The following GANC variants were observed in gnomAD, a reference collection of about 807,000 sequenced individuals.
The protein encoded by GANC is neutral alpha-glucosidase C.
In GANC, 117 loss-of-function variants were observed where a neutral mutation model predicts 124.2. That is an observed-to-expected ratio of 0.94 (90% CI 0.81 to 1.10). The LOEUF is 1.10. Among genes scored for constraint, GANC ranks in the 50% least tolerant of loss-of-function variants. GANC has a pLI of 0.00. For synonymous variants in GANC, 377 were observed against 376.8 expected, an observed-to-expected ratio of 1.00 and a Z score of -0.01; for missense variants, 1,140 against 1,095.0, an observed-to-expected ratio of 1.04 and a Z score of -0.58.
chr15:42,347,250 T>C (rs1270412483), intron 20 of GANC, among the ~76,000 whole-genome samples: 1 of 151,994 alleles, frequency 6.6e-6, no homozygotes, highest in Non-Finnish European at 1.5e-5. Context: ...AGTGCTTTAC[T>C]TCTCACTGCC....
chr15:42,285,704 A>G (rs1172881701), intron 3 of GANC, among the ~76,000 whole-genome samples: 2 of 152,192 alleles, frequency 1.3e-5, no homozygotes, highest in Non-Finnish European at 2.9e-5. Context: ...CTGAGGCACA[A>G]GAATCTCTTG....
At chr15:42,310,989 C>G in intron 10 of GANC, 143 bp downstream of exon 10, 1 of 859,330 alleles carries the variant, frequency 1.2e-6, no homozygotes, top group Non-Finnish European at 1.8e-6. Context: ...ATTTCTGTTC[C>G]CATCCTCATC....
Position 42,353,591 on chromosome 15 carries a change from C to A in GANC, c.*1452C>A, listed in dbSNP as rs1281244720. 2.0e-6 allele frequency: 2 copies of A among 985,510 alleles called. No individual in the cohort carries two copies. Among genetic ancestry groups the A allele is most frequent in the African/African-American group, 1.7e-5 (1 of 57,206 alleles). The allele number at this position is 985,510 out of a possible 1,614,324, so 61.0% of individuals were successfully genotyped here. The stretch of plus-strand genomic sequence containing the variant: ...TTCTGTCTGACAGAGCACTATTATA[C>A]CTGACTTTCAGTAACTGTTAGCTGT... On this transcript the variant is annotated 3_prime_UTR_variant, in exon 24 of 24. Transcript: ENST00000318010.
In GANC at chr15:42,274,515, A is replaced by G. The variant is rs373541962; in HGVS notation, c.29+5A>G. ...AGCAGTGAAAGAGGAAATAAGGTAA[A>G]GGCCAAGTGCTTCTGTAGCGAGTGA... On this transcript the variant is annotated splice_donor_5th_base_variant and intron_variant, in intron 1 of 23. Coordinates refer to ENST00000318010, the MANE Select transcript of GANC (RefSeq NM_198141.3). 7 of 1,608,242 alleles carry G rather than the reference A, an allele frequency of 4.4e-6. No homozygotes were observed. In the African/African-American group the frequency reaches 8.0e-5, roughly 18 times the overall value.
intron 15 of GANC, 44 bp from the exon 16 acceptor site, chr15:42,338,345 T>G: frequency 7.4e-7 from 1 of 1,356,046 alleles, no homozygotes; most frequent in Non-Finnish European, 1.0e-6. Context: ...ATTGAACGCA[T>G]GGGTTGATTT....
intron 6 of GANC, among the ~76,000 whole-genome samples, chr15:42,306,051 G>C (rs1566953991): frequency 6.8e-6 from 1 of 147,120 alleles, no homozygotes; most frequent in Non-Finnish European, 1.5e-5. Flanking sequence ...TTTTGAGACA[G>C]AGTCTCGCTG....
chr15:42,349,125 AC>A (rs1395212413), intron 21 of GANC, among the ~76,000 whole-genome samples: 1 of 152,174 alleles, frequency 6.6e-6, no homozygotes, highest in Admixed American at 6.5e-5. Context: ...ATCCACTTAT[AC>A]CACTGAACAT....
chr15:42,314,177 G>A, intron 10 of GANC: 1 of 761,200 alleles, frequency 1.3e-6, no homozygotes, highest in Non-Finnish European at 2.4e-6. Flanking sequence ...ATATGGGATT[G>A]GACAAGTTGG....
intron 10 of GANC, chr15:42,314,224 G>A: frequency 1.4e-6 from 1 of 733,960 alleles, no homozygotes; most frequent in Non-Finnish European, 2.5e-6. Flanking sequence ...CCTCTTTAAA[G>A]CACCTGAAGC....
chr15:42,340,301 T>C (rs16973097), intron 17 of GANC, among the ~76,000 whole-genome samples: 14,753 of 152,234 alleles, frequency 0.097, 836 homozygotes, highest in South Asian at 0.18. Flanking sequence ...CTTTGGCACG[T>C]TCCCATTTCC....
chr15:42,296,289 G>C (rs2051890659), intron 5 of GANC, among the ~76,000 whole-genome samples: 1 of 151,768 alleles, frequency 6.6e-6, no homozygotes. Flanking sequence ...ACTCTCTTTT[G>C]ATTGGTGTTA....
chr15:42,332,315 T>C (rs916985561), intron 15 of GANC, among the ~76,000 whole-genome samples: 1 of 152,200 alleles, frequency 6.6e-6, no homozygotes, highest in Non-Finnish European at 1.5e-5. Flanking sequence ...TCTACAAGTA[T>C]CATTTTTAAT....
intron 3 of GANC, among the ~76,000 whole-genome samples, chr15:42,279,027 T>A (rs929890058): frequency 1.3e-5 from 2 of 152,178 alleles, no homozygotes; most frequent in Non-Finnish European, 2.9e-5. Context: ...AAAATGAATG[T>A]CATCTTTTCG....
intron 10 of GANC, among the ~76,000 whole-genome samples, chr15:42,313,212 C>G (rs117425882): frequency 0.011 from 1,617 of 143,000 alleles, 20 homozygotes; most frequent in Middle Eastern, 0.024. Flanking sequence ...CTCCTATATT[C>G]AAAAATATGT....
intron 20 of GANC, among the ~76,000 whole-genome samples, chr15:42,347,722 G>A (rs1338647650): frequency 1.3e-5 from 2 of 152,148 alleles, no homozygotes; most frequent in East Asian, 1.9e-4. Flanking sequence ...TCACTCTTCA[G>A]CAGGGTTCTG....
chr15:42,289,769 G>A (rs1381872580), intron 4 of GANC, among the ~76,000 whole-genome samples: 3 of 152,140 alleles, frequency 2.0e-5, no homozygotes, highest in Non-Finnish European at 4.4e-5. Context: ...CAGGTGTTGA[G>A]CCCTAACCTC....
chr15:42,339,305 AACACACACACACACACACAC>A (rs60116980), intron 16 of GANC, among the ~76,000 whole-genome samples: 29 of 119,250 alleles, frequency 2.4e-4, no homozygotes, highest in South Asian at 6.4e-4. Flanking sequence ...ACCCCCCTCC[AACACACACACACACACACAC>A]ACACACACAC....
chr15:42,353,240 T>G lies in GANC; in HGVS notation c.*1101T>G. 1.0e-6 allele frequency: 1 copy of G among 986,064 alleles called. No homozygotes were observed. The highest frequency in any genetic ancestry group is 1.2e-6 in the Non-Finnish European group (1 of 830,092). The allele number at this position is 986,064 out of a possible 1,614,324, so 61.1% of individuals were successfully genotyped here. On this transcript the variant is annotated 3_prime_UTR_variant, in exon 24 of 24. Transcript: ENST00000318010. ...AGCAGCCTCGACTCCTCAGCACTCC[T>G]CAGCACACACCTCTTCTTATCAGGC...
At chr15:42,317,569 C>T (rs2052118567) in intron 10 of GANC, among the ~76,000 whole-genome samples, 1 of 152,036 alleles carries the variant, frequency 6.6e-6, no homozygotes, top group Non-Finnish European at 1.5e-5. Context: ...TATTTTAACA[C>T]AATTTTTAAG....
Sources: allele counts gnomAD v4.1 joint callset (sites outside exome capture counted in the v4.1 genomes callset), GRCh38; gene constraint gnomAD v4.1.1; transcripts MANE v1.5; gene names NCBI Gene and HGNC (gene_info 2026-07-23, HGNC 2026-07-21).